Variants in FIG4 observed in about 807,000 individuals in gnomAD.
The protein encoded by FIG4 is FIG4 phosphoinositide 5-phosphatase.
A neutral mutation model predicts 118.6 loss-of-function variants in FIG4; 112 were observed. The ratio of observed to expected loss-of-function variants is 0.94; its 90% CI spans 0.81 to 1.11. The LOEUF is 1.11. Ranked by LOEUF, FIG4 falls within the 50% of genes least tolerant of loss-of-function variation. The pLI is 0.00. For synonymous variants in FIG4, 369 were observed against 381.2 expected (o/e 0.97, Z 0.37); for missense variants, 969 against 1,111.7 (o/e 0.87, Z 1.83).
intron 19 of FIG4, 56 bp downstream of exon 19, chr6:109,789,733 G>C: frequency 8.1e-7 from 1 of 1,241,444 alleles, no homozygotes; most frequent in East Asian, 2.3e-5. Flanking sequence ...AATAGTACTT[G>C]CAATATGATT....
At chr6:109,796,940 C>A in intron 22 of FIG4, 89 bp downstream of exon 22, 1 of 809,148 alleles carries the variant, frequency 1.2e-6, no homozygotes, top group Non-Finnish European at 2.2e-6. Flanking sequence ...AAAAGATTCA[C>A]TCTTGTCACC....
In FIG4 at chr6:109,792,609, T is replaced by C. The variant is rs754049025; in HGVS notation, c.2404T>C (p.Tyr802His). Residue 802 changes from tyrosine to histidine, a missense_variant, in exon 21 of 23, where the codon TAT becomes CAT. Physicochemically the swap from Tyr to His is moderately conservative, Grantham distance 83. This residue lies in a region of FIG4 where 330 missense variants were observed against 348.1 expected (regional missense o/e 0.95). Transcript: ENST00000230124. Reference protein sequence around the residue: ...ENVVQPMKELYGINLSDGLSE... With the variant: ...ENVVQPMKELHGINLSDGLSE... ...TGTGGTCCAACCCATGAAGGAGCTA[T>C]ATGGAATTAACCTCTCAGATGGCCT... 2 of 1,604,560 alleles carry C rather than the reference T, an allele frequency of 1.2e-6. No individual in the cohort carries two copies. The highest frequency in any genetic ancestry group is 3.3e-5 in the Admixed American group (2 of 59,986).
At chr6:109,814,177 C>T (rs990189804) in intron 22 of FIG4, among the ~76,000 whole-genome samples, 6 of 152,254 alleles carry the variant, frequency 3.9e-5, no homozygotes, top group Admixed American at 6.5e-5. Flanking sequence ...AAGACAGTCT[C>T]GCTCTGTAAC....
chr6:109,709,653 A>T (rs1427910700), intron 1 of FIG4, among the ~76,000 whole-genome samples: 12 of 152,038 alleles, frequency 7.9e-5, no homozygotes, highest in Non-Finnish European at 1.2e-4. Flanking sequence ...AGTGGTTTGT[A>T]GTTCTTGTAG....
In FIG4 at chr6:109,774,624, T is replaced by C. The variant is rs201776279; in HGVS notation, c.1751-2298T>C. 2.6e-4 allele frequency among the ~76,000 whole-genome samples: 40 copies of C among 152,304 alleles called. No homozygotes were observed. The East Asian group carries it at 6.0e-3, about 23-fold the overall frequency. The stretch of plus-strand genomic sequence containing the variant: ...GAGTATGGGAGTGCCTATTTTGAAA[T>C]GTATTTGCCAACTTAACAGACAGAA... On this transcript the variant is annotated intron_variant, in intron 15 of 22. Transcript: ENST00000230124.
At chr6:109,723,596 C>T (rs1775675248) in intron 3 of FIG4, among the ~76,000 whole-genome samples, 1 of 152,204 alleles carries the variant, frequency 6.6e-6, no homozygotes, top group African/African-American at 2.4e-5. Context: ...CTGGCCTCAT[C>T]TAGGCCACCT....
chr6:109,771,725 T>C (rs1231579798), intron 15 of FIG4, among the ~76,000 whole-genome samples: 1 of 152,166 alleles, frequency 6.6e-6, no homozygotes, highest in African/African-American at 2.4e-5. Context: ...CGTCCTTTTC[T>C]GCACCCATAG....
intron 10 of FIG4, among the ~76,000 whole-genome samples, chr6:109,755,996 T>A (rs958050134): frequency 2.0e-5 from 3 of 152,236 alleles, no homozygotes; most frequent in African/African-American, 7.2e-5. Context: ...TAGTTGGTTA[T>A]TTTGCTCGTT....
chr6:109,740,245 T>C (rs890982938), intron 7 of FIG4, among the ~76,000 whole-genome samples: 1 of 152,164 alleles, frequency 6.6e-6, no homozygotes, highest in Non-Finnish European at 1.5e-5. Flanking sequence ...CTGGCACATA[T>C]TAAACATAGT....
chr6:109,700,845 A>T (rs1402467965), intron 1 of FIG4, among the ~76,000 whole-genome samples: 1 of 152,212 alleles, frequency 6.6e-6, no homozygotes, highest in East Asian at 1.9e-4. Context: ...AATGAATTTT[A>T]TGTTTAGATT....
At position 109,791,386 on chromosome 6, in the gene FIG4, A is replaced by G. The variant is rs1427069018; in HGVS notation, c.2191A>G (p.Asn731Asp). The G allele has an allele frequency of 3.1e-6, 5 of 1,612,814 alleles. No homozygotes were observed. The highest frequency in any genetic ancestry group is 4.2e-6 in the Non-Finnish European group (5 of 1,179,876). The change falls in exon 20 of 23, where the codon AAT becomes GAT. Residue 731 changes from asparagine (N) to aspartate (D), a missense_variant. This residue lies in a region of FIG4 where 330 missense variants were observed against 348.1 expected (regional missense o/e 0.95). Transcript: ENST00000230124. ...TGKSVLGNKSNREEAVLQRKT... is the reference protein window; with the variant it reads ...TGKSVLGNKSDREEAVLQRKT... ...TTATTCTTTTAAAAGAAACAAAAGC[A>G]ATAGAGAAGAAGCTGTATTACAGCG... is the stretch of plus-strand genomic sequence containing the variant.
At chr6:109,773,877 GC>G (rs1174636972) in intron 15 of FIG4, among the ~76,000 whole-genome samples, 1 of 151,914 alleles carries the variant, frequency 6.6e-6, no homozygotes, top group Non-Finnish European at 1.5e-5. Context: ...TCCCTATGTT[GC>G]CCAGGCTGGT....
chr6:109,795,989 A>T (rs920201798), intron 21 of FIG4, among the ~76,000 whole-genome samples: 11 of 152,202 alleles, frequency 7.2e-5, no homozygotes, highest in Non-Finnish European at 1.5e-4. Context: ...GGAAAGACAG[A>T]TCCATGCAGT....
intron 10 of FIG4, among the ~76,000 whole-genome samples, chr6:109,758,205 C>A (rs1349607748): frequency 1.3e-5 from 2 of 152,208 alleles, no homozygotes; most frequent in Non-Finnish European, 2.9e-5. Flanking sequence ...TGACTTCAGA[C>A]TATACTACAA....
At position 109,764,946 on chromosome 6, in the gene FIG4, C is replaced by CCA. The variant is rs1263754563; in HGVS notation, c.1435-67_1435-66insCA. The CCA allele has an allele frequency of 3.8e-5, 45 of 1,186,990 alleles. No homozygotes were observed. The African/African-American group carries it at 6.4e-4, about 17-fold the overall frequency. 73.5% of individuals were successfully genotyped at this position (1,186,990 alleles called of 1,614,324 possible). A position where few individuals can be genotyped will look rare whatever the true frequency, so the allele number is the denominator to read the frequency against. ...TTTTGTTTTTGTTTCTTAAAGAAAT[C>CCA]TAAAGTAGTATGGAAGTTCTTTGGT... On this transcript the variant is annotated intron_variant, in intron 13 of 22. Transcript: ENST00000230124.
chr6:109,713,289 G>A (rs771548881), intron 1 of FIG4, among the ~76,000 whole-genome samples: 8 of 152,240 alleles, frequency 5.3e-5, no homozygotes, highest in Admixed American at 2.0e-4. Flanking sequence ...ATTCACAGCA[G>A]CAGCAGAGGC....
intron 18 of FIG4, among the ~76,000 whole-genome samples, chr6:109,786,830 G>T (rs952605314): frequency 6.6e-6 from 1 of 152,114 alleles, no homozygotes; most frequent in Non-Finnish European, 1.5e-5. Flanking sequence ...CTTCCTGTGT[G>T]ACCTTGGGAA....
chr6:109,755,095 C>T (rs1203886576), intron 10 of FIG4, among the ~76,000 whole-genome samples: 1 of 152,044 alleles, frequency 6.6e-6, no homozygotes, highest in Non-Finnish European at 1.5e-5. Flanking sequence ...TTTCACTCTG[C>T]ACACTGCTTT....
At chr6:109,766,665 G>T in intron 14 of FIG4, 64 bp from the exon 15 acceptor site, 5 of 1,402,252 alleles carry the variant, frequency 3.6e-6, no homozygotes, top group Non-Finnish European at 5.1e-6. Flanking sequence ...TTGGAGTTTG[G>T]CTAAGTGAAT....
Sources: gnomAD v4.1 joint callset for allele counts (sites outside exome capture counted in the v4.1 genomes callset) on GRCh38, gnomAD v4.1.1 for gene constraint, gnomAD v4.1.1 regional missense constraint, MANE v1.5 for transcripts, NCBI Gene and HGNC (gene_info 2026-07-23, HGNC 2026-07-21) for gene names.